MAST4: variants seen among roughly 807,000 people sequenced by gnomAD.
MAST4 encodes the protein microtubule associated serine/threonine kinase family member 4, also known as microtubule-associated serine/threonine-protein kinase 4.
A neutral mutation model predicts 162.7 loss-of-function variants in MAST4; 89 were observed. That is an observed-to-expected ratio of 0.55 (90% CI 0.46 to 0.65). The LOEUF (loss-of-function observed/expected upper bound fraction) is 0.65. MAST4 is among the 30% of genes least tolerant of loss of function. The pLI is 0.00. For synonymous variants in MAST4, 1,479 were observed against 1,361.1 expected (o/e 1.09, Z -1.91); for missense variants, 3,153 against 3,374.0 (o/e 0.93, Z 1.62).
chr5:66,850,595 G>A (rs1411955291), intron 3 of MAST4, among the ~76,000 whole-genome samples: 1 of 152,066 alleles, frequency 6.6e-6, no homozygotes, highest in Non-Finnish European at 1.5e-5. Flanking sequence ...AGTCAGCCTG[G>A]TTTCATGTAC....
chr5:66,793,805 C>T (rs1378472362), intron 3 of MAST4, among the ~76,000 whole-genome samples: 1 of 152,188 alleles, frequency 6.6e-6, no homozygotes, highest in Non-Finnish European at 1.5e-5. Flanking sequence ...AAACTGTTCC[C>T]TATATTGCTT....
chr5:67,035,643 G>A (rs6881240), intron 4 of MAST4, among the ~76,000 whole-genome samples: 28,047 of 152,016 alleles, frequency 0.18, 3,017 homozygotes, highest in Non-Finnish European at 0.24. Flanking sequence ...CTTGATGCCG[G>A]TGGTGGGCAG....
At chr5:66,710,842 GC>G (rs1266571686) in intron 1 of MAST4, among the ~76,000 whole-genome samples, 1 of 151,874 alleles carries the variant, frequency 6.6e-6, no homozygotes, top group Non-Finnish European at 1.5e-5. Context: ...ACAACATGTA[GC>G]TTTTAAAAAA....
chr5:66,668,874 G>T (rs1032786154), intron 1 of MAST4, among the ~76,000 whole-genome samples: 3 of 152,190 alleles, frequency 2.0e-5, no homozygotes, highest in African/African-American at 7.2e-5. Flanking sequence ...GCTCCTGGTT[G>T]CTGAGAGACT....
intron 4 of MAST4, chr5:67,001,676 C>T (rs1298372933): frequency 2.0e-5 from 3 of 152,044 alleles, no homozygotes; most frequent in Non-Finnish European, 4.4e-5. Context: ...AGGTTATGCC[C>T]CAATACATGG....
At chr5:66,960,349 A>G (rs1403437336) in intron 4 of MAST4, among the ~76,000 whole-genome samples, 2 of 152,182 alleles carry the variant, frequency 1.3e-5, no homozygotes, top group Non-Finnish European at 2.9e-5. Flanking sequence ...TTGTGCCCTG[A>G]TTTTATACTA....
chr5:66,879,326 T>A (rs540661738), intron 3 of MAST4, among the ~76,000 whole-genome samples: 220 of 141,582 alleles, frequency 1.6e-3, no homozygotes, highest in Non-Finnish European at 1.2e-3. Context: ...ATATATATAT[T>A]TTATGTGTTT....
chr5:67,138,660 C>T (rs529379210), intron 19 of MAST4, among the ~76,000 whole-genome samples: 1 of 152,246 alleles, frequency 6.6e-6, no homozygotes, highest in South Asian at 2.1e-4. Context: ...TCTTGAACTC[C>T]TGGCCTCAAG....
intron 4 of MAST4, among the ~76,000 whole-genome samples, chr5:67,016,539 G>A (rs1753304258): frequency 6.6e-6 from 1 of 152,176 alleles, no homozygotes; most frequent in South Asian, 2.1e-4. Context: ...GTGAAAAATA[G>A]AAGTAGGTTT....
At position 66,795,713 on chromosome 5, in the gene MAST4, A is replaced by G. The variant is rs570229132; in HGVS notation, c.642+6919A>G. Among the ~76,000 whole-genome samples, 7 of 152,346 alleles carry G rather than the reference A, an allele frequency of 4.6e-5. No individual in the cohort carries two copies. In the South Asian group the frequency reaches 1.0e-3, roughly 23 times the overall value. On this transcript the variant is annotated intron_variant, in intron 3 of 28. Transcript: ENST00000403625. ...GATTATCTGTGCTGCCTCCTATAACATCTTTCCTTTATTCCCTAAATCAGC... is the reference window on the plus strand; with the variant it reads ...GATTATCTGTGCTGCCTCCTATAACGTCTTTCCTTTATTCCCTAAATCAGC...
intron 4 of MAST4, among the ~76,000 whole-genome samples, chr5:66,929,629 CCT>C (rs1345467309): frequency 6.6e-6 from 1 of 152,150 alleles, no homozygotes; most frequent in Non-Finnish European, 1.5e-5. Context: ...TATCAGCCTC[CCT>C]CTCTCACAGC....
At chr5:66,685,519 A>C (rs2149489582) in intron 1 of MAST4, among the ~76,000 whole-genome samples, 1 of 152,280 alleles carries the variant, frequency 6.6e-6, no homozygotes, top group South Asian at 2.1e-4. Flanking sequence ...ATTTTCTCCT[A>C]AAAGAAATCA....
intron 4 of MAST4, among the ~76,000 whole-genome samples, chr5:66,936,979 T>C (rs184084540): frequency 1.3e-5 from 2 of 152,306 alleles, no homozygotes; most frequent in East Asian, 3.9e-4. Flanking sequence ...CGGCTTTAAT[T>C]ATATCTCCCA....
In MAST4 at chr5:67,165,115, C is replaced by T; in HGVS notation, c.5936C>T (p.Pro1979Leu). ...AGGGAATCGTCTGAAAGAGGCCCTC[C>T]CACAGCCAGAAGCGAGCGCTCTGCT... is the stretch of plus-strand genomic sequence containing the variant. Reference protein sequence around the residue: ...GLRESSERGPPTARSERSAAR... With the variant: ...GLRESSERGPLTARSERSAAR... The change falls in exon 29 of 29, where the codon CCC becomes CTC. Residue 1979 changes from proline (P) to leucine (L), a missense_variant. This residue lies in a region of MAST4 where 1,644 missense variants were observed against 1,495.0 expected (regional missense o/e 1.10). Coordinates refer to ENST00000403625, the MANE Select transcript of MAST4 (RefSeq NM_001164664.2). 1 of 1,589,858 alleles carries T rather than the reference C, an allele frequency of 6.3e-7. No individual in the cohort carries two copies. The highest frequency in any genetic ancestry group is 8.6e-7 in the Non-Finnish European group (1 of 1,167,984).
intron 19 of MAST4, 59 bp downstream of exon 19, chr5:67,136,723 A>G: frequency 1.5e-6 from 2 of 1,327,514 alleles, no homozygotes; most frequent in Non-Finnish European, 1.1e-6. Context: ...TACATGGAGC[A>G]CTCTGAAGCT....
At chr5:66,663,312 A>G (rs1394833311) in intron 1 of MAST4, among the ~76,000 whole-genome samples, 2 of 152,178 alleles carry the variant, frequency 1.3e-5, no homozygotes, top group African/African-American at 2.4e-5. Flanking sequence ...GTCTTCACCT[A>G]TTGCTGGTTT....
rs763084879 is a variant in MAST4, at chr5:67,166,287, G to C, written c.7108G>C (p.Glu2370Gln). The C allele has an allele frequency of 3.2e-6, 5 of 1,561,374 alleles. No individual in the cohort carries two copies. In the South Asian group the frequency reaches 5.9e-5, roughly 18 times the overall value. Residue 2370 changes from glutamate to glutamine, a missense_variant, in exon 29 of 29, where the codon GAA (glutamate) becomes CAA (glutamine). Around this residue, in one of 7 missense-constraint regions of MAST4, gnomAD observed 1,644 missense variants for 1,495.0 expected, o/e 1.10. Transcript: ENST00000403625. ...GGCCGCCAACACCGACAGAAGGGCG[G>C]AAGGGAAGAAATGCACTGAAGCACT... ...QPAANTDRRA[E>Q]GKKCTEALYA...
intron 3 of MAST4, among the ~76,000 whole-genome samples, chr5:66,882,776 G>A (rs115720231): frequency 4.8e-3 from 734 of 152,122 alleles, no homozygotes; most frequent in Non-Finnish European, 7.0e-3. Context: ...GCTCAAGCAG[G>A]GAGCAGAATG....
intron 4 of MAST4, among the ~76,000 whole-genome samples, chr5:67,013,755 A>G (rs966974328): frequency 1.3e-5 from 2 of 152,344 alleles, no homozygotes; most frequent in Admixed American, 1.3e-4. Context: ...TAAAAAGTAT[A>G]AGTATAAAAT....
Sources: gnomAD v4.1 joint callset for allele counts (sites outside exome capture counted in the v4.1 genomes callset) on GRCh38, gnomAD v4.1.1 for gene constraint, gnomAD v4.1.1 regional missense constraint, MANE v1.5 for transcripts, NCBI Gene and HGNC (gene_info 2026-07-23, HGNC 2026-07-21) for gene names.